ATP6V1H: variants seen among roughly 807,000 people sequenced by gnomAD.
ATP6V1H encodes V-type proton ATPase subunit H.
A neutral mutation model predicts 71.7 loss-of-function variants in ATP6V1H; 39 were observed. That is an observed-to-expected ratio of 0.54 (90% CI 0.42 to 0.71). The LOEUF is 0.71. ATP6V1H is among the 30% of genes least tolerant of loss of function. ATP6V1H has a pLI of 0.00. For missense variants in ATP6V1H, 509 were observed against 594.9 expected, an observed-to-expected ratio of 0.86 and a Z score of 1.50; for synonymous variants, 192 against 199.3, an observed-to-expected ratio of 0.96 and a Z score of 0.31.
chr8:53,841,639 T>C lies in ATP6V1H; in HGVS notation c.52A>G (p.Ile18Val), dbSNP rs1156596758. Residue 18 changes from isoleucine to valine, a missense_variant, in exon 2 of 14, where the codon ATT (isoleucine) becomes GTT (valine). Ile to Val is a conservative substitution (Grantham distance 29). Coordinates refer to ENST00000359530, the MANE Select transcript of ATP6V1H (RefSeq NM_015941.4). Reference sequence around the variant, plus strand: ...ACTTCTGCAGCCTTGGCAGCAATAATATTGGTGGGGACAGCAGCATCCACA... The same window carrying C: ...ACTTCTGCAGCCTTGGCAGCAATAACATTGGTGGGGACAGCAGCATCCACA... ...GAVDAAVPTN[I>V]IAAKAAEVRA... 2 of 1,614,168 alleles carry C rather than the reference T, an allele frequency of 1.2e-6. No individual in the cohort carries two copies. Among genetic ancestry groups the C allele is most frequent in the Middle Eastern group, 1.6e-4 (1 of 6,062 alleles).
intron 4 of ATP6V1H, among the ~76,000 whole-genome samples, chr8:53,822,569 TA>T (rs778308753): frequency 5.1e-4 from 77 of 152,180 alleles, no homozygotes; most frequent in Non-Finnish European, 9.4e-4. Flanking sequence ...CAAAAAAGTT[TA>T]ATAAAAATGC....
At chr8:53,837,425 G>A (rs747988273) in intron 2 of ATP6V1H, among the ~76,000 whole-genome samples, 5 of 151,144 alleles carry the variant, frequency 3.3e-5, no homozygotes, top group African/African-American at 9.7e-5. Flanking sequence ...CAGAAAATAC[G>A]CAAATACAAA....
intron 11 of ATP6V1H, among the ~76,000 whole-genome samples, chr8:53,769,096 C>CA (rs1808565295): frequency 6.6e-6 from 1 of 151,992 alleles, no homozygotes; most frequent in East Asian, 1.9e-4. Context: ...ATCCCTTACC[C>CA]AAAAATCAAT....
At chr8:53,794,799 T>C (rs1809677727) in intron 9 of ATP6V1H, among the ~76,000 whole-genome samples, 1 of 152,202 alleles carries the variant, frequency 6.6e-6, no homozygotes, top group Non-Finnish European at 1.5e-5. Flanking sequence ...CGCCTCAGTA[T>C]TCCCAACGTA....
At chr8:53,813,610 A>G (rs999378438) in intron 6 of ATP6V1H, among the ~76,000 whole-genome samples, 10 of 152,058 alleles carry the variant, frequency 6.6e-5, no homozygotes, top group African/African-American at 2.4e-4. Context: ...TCTTCTGAGT[A>G]TCAATCCCAC....
At chr8:53,783,498 G>A (rs1585783286) in intron 9 of ATP6V1H, among the ~76,000 whole-genome samples, 1 of 152,102 alleles carries the variant, frequency 6.6e-6, no homozygotes, top group South Asian at 2.1e-4. Flanking sequence ...GCCAGCTCCT[G>A]GATTCATTGA....
chr8:53,817,589 G>A (rs895138192), intron 4 of ATP6V1H, 59 bp from the exon 5 acceptor site: 5 of 1,052,372 alleles, frequency 4.8e-6, no homozygotes, highest in South Asian at 2.8e-5. Context: ...AGAATGTAAC[G>A]ACTGTGCACC....
intron 9 of ATP6V1H, among the ~76,000 whole-genome samples, chr8:53,790,642 C>T (rs909242088): frequency 1.3e-5 from 2 of 152,190 alleles, no homozygotes; most frequent in African/African-American, 2.4e-5. Flanking sequence ...AAGAGCCCAG[C>T]GAACCTGACT....
intron 11 of ATP6V1H, among the ~76,000 whole-genome samples, chr8:53,758,044 C>T (rs920559608): frequency 1.3e-5 from 2 of 152,200 alleles, no homozygotes; most frequent in Admixed American, 6.5e-5. Context: ...AGTGAAGAAA[C>T]CTTTCCACTT....
intron 9 of ATP6V1H, among the ~76,000 whole-genome samples, chr8:53,781,130 T>C (rs917298958): frequency 3.9e-5 from 6 of 152,220 alleles, no homozygotes; most frequent in African/African-American, 1.4e-4. Context: ...ACTTCCACAA[T>C]GGTTGAACTA....
At chr8:53,829,381 T>C in intron 4 of ATP6V1H, 63 bp downstream of exon 4, 1 of 977,196 alleles carries the variant, frequency 1.0e-6, no homozygotes, top group Admixed American at 1.9e-5. Flanking sequence ...CCAAAAATGC[T>C]GCTACTGTGA....
rs759271126 is a variant in ATP6V1H, at chr8:53,801,821, C to A, written c.655G>T (p.Val219Leu). The change falls in exon 8 of 14, where the codon GTG becomes TTG. Residue 219 changes from valine (V) to leucine (L), a missense_variant. By Grantham distance (32) the Val-to-Leu change is conservative. Transcript: ENST00000359530. The stretch of plus-strand genomic sequence containing the variant: ...CACCAATTTACCCCATCTGCTTCCA[C>A]CCAAGCAAAGCGGTACTCATTGACC... Reference protein sequence around the residue: ...LRVNEYRFAWVEADGVNCIMG... With the variant: ...LRVNEYRFAWLEADGVNCIMG... 4.3e-6 allele frequency: 7 copies of A among 1,613,900 alleles called. No individual in the cohort carries two copies. Among genetic ancestry groups the A allele is most frequent in the African/African-American group, 1.3e-5 (1 of 74,894 alleles).
chr8:53,739,859 A>G (rs978182212), intron 13 of ATP6V1H, among the ~76,000 whole-genome samples: 4 of 152,216 alleles, frequency 2.6e-5, no homozygotes, highest in African/African-American at 9.6e-5. Context: ...TGGCCTGCTC[A>G]GGCCTCCCAG....
chr8:53,842,111 G>A (rs892273397), intron 1 of ATP6V1H, among the ~76,000 whole-genome samples: 1 of 152,056 alleles, frequency 6.6e-6, no homozygotes, highest in Admixed American at 6.6e-5. Context: ...TGAATAGTAC[G>A]GATAAGGCTA....
chr8:53,723,648 C>T (rs756801190), intron 13 of ATP6V1H, among the ~76,000 whole-genome samples: 79 of 152,166 alleles, frequency 5.2e-4, no homozygotes, highest in Admixed American at 2.4e-3. Flanking sequence ...GTGAGGATCT[C>T]CCTACCTGGA....
chr8:53,775,876 T>C (rs987887076), intron 9 of ATP6V1H, among the ~76,000 whole-genome samples: 2 of 152,238 alleles, frequency 1.3e-5, no homozygotes, highest in African/African-American at 4.8e-5. Flanking sequence ...TGGAGCTGCC[T>C]GCCAGTCCTG....
At chr8:53,784,276 G>A (rs1459642799) in intron 9 of ATP6V1H, among the ~76,000 whole-genome samples, 12 of 152,212 alleles carry the variant, frequency 7.9e-5, no homozygotes, top group African/African-American at 2.4e-4. Context: ...TGTTGAATTC[G>A]TCCCTTTACC....
chr8:53,819,546 GC>G (rs1810564353), intron 4 of ATP6V1H, among the ~76,000 whole-genome samples: 1 of 9,620 alleles, frequency 1.0e-4, no homozygotes, highest in African/African-American at 4.7e-4. Context: ...AAAAAAAAAA[GC>G]ATATATATAT....
At chr8:53,824,000 A>G (rs1810745138) in intron 4 of ATP6V1H, among the ~76,000 whole-genome samples, 1 of 151,908 alleles carries the variant, frequency 6.6e-6, no homozygotes, top group South Asian at 2.1e-4. Flanking sequence ...TAATCAAGAA[A>G]AAAAAAAAGC....
Sources: gnomAD v4.1 joint callset for allele counts (sites outside exome capture counted in the v4.1 genomes callset) on GRCh38, gnomAD v4.1.1 for gene constraint, MANE v1.5 for transcripts, NCBI Gene and HGNC (gene_info 2026-07-23, HGNC 2026-07-21) for gene names.